PTGER3: variants seen among roughly 807,000 people sequenced by gnomAD.
PTGER3 encodes the protein prostaglandin E receptor 3, also known as prostaglandin E2 receptor EP3 subtype.
A neutral mutation model predicts 34.7 loss-of-function variants in PTGER3; 22 were observed. The ratio of observed to expected loss-of-function variants is 0.63; its 90% CI spans 0.45 to 0.91. PTGER3 has a LOEUF of 0.91. PTGER3 is among the 40% of genes least tolerant of loss of function. The probability of loss-of-function intolerance (pLI) is 0.00; values close to 1 mark genes in which losing one functional copy is unlikely to be tolerated. For missense variants in PTGER3, 468 were observed against 519.4 expected, an observed-to-expected ratio of 0.90 and a Z score of 0.96; for synonymous variants, 241 against 230.1, an observed-to-expected ratio of 1.05 and a Z score of -0.43.
At chr1:70,914,623 AG>A (rs1457784726) in intron 4 of PTGER3, among the ~76,000 whole-genome samples, 1 of 151,966 alleles carries the variant, frequency 6.6e-6, no homozygotes, top group Admixed American at 6.6e-5. Context: ...TATCTCTGAT[AG>A]GATTTGATGG....
chr1:70,877,788 A>C (rs936767208), intron 4 of PTGER3, among the ~76,000 whole-genome samples: 1 of 152,186 alleles, frequency 6.6e-6, no homozygotes, highest in Admixed American at 6.5e-5. Context: ...CTTGCATCCC[A>C]GGGATAAAGC....
At chr1:71,031,749 A>C (rs1377457109) in intron 1 of PTGER3, among the ~76,000 whole-genome samples, 3 of 152,176 alleles carry the variant, frequency 2.0e-5, no homozygotes, top group African/African-American at 7.2e-5. Context: ...TGAGCTCCTG[A>C]AATCCTTCTA....
chr1:70,932,321 C>T (rs584532), intron 4 of PTGER3, among the ~76,000 whole-genome samples: 138,553 of 152,166 alleles, frequency 0.91, 63,152 homozygotes, highest in African/African-American at 0.95. Flanking sequence ...TTCTGAGCCC[C>T]CCAAACTGTT....
At chr1:71,034,785 G>C (rs917829219) in intron 1 of PTGER3, among the ~76,000 whole-genome samples, 2 of 152,280 alleles carry the variant, frequency 1.3e-5, no homozygotes, top group Admixed American at 1.3e-4. Flanking sequence ...AGGAAACATG[G>C]ACAAATGAAT....
At chr1:71,015,197 G>T (rs555016020) in intron 1 of PTGER3, among the ~76,000 whole-genome samples, 1 of 152,192 alleles carries the variant, frequency 6.6e-6, no homozygotes, top group Non-Finnish European at 1.5e-5. Context: ...GCCTCTGAAG[G>T]CCTACAATTG....
At chr1:70,873,608 T>C (rs1646210156) in intron 4 of PTGER3, among the ~76,000 whole-genome samples, 1 of 151,980 alleles carries the variant, frequency 6.6e-6, no homozygotes, top group Admixed American at 6.6e-5. Flanking sequence ...CAGGTGGTGT[T>C]TGGTTACATG....
At position 70,971,162 on chromosome 1, in the gene PTGER3, C is replaced by T. The variant is rs1653039024; in HGVS notation, c.*568G>A. 1.2e-5 allele frequency: 12 copies of T among 985,172 alleles called. No homozygotes were observed. The highest frequency in any genetic ancestry group is 1.7e-5 in the African/African-American group (1 of 57,172). The allele number at this position is 985,172 out of a possible 1,614,324, so 61.0% of individuals were successfully genotyped here. A position where few individuals can be genotyped will look rare whatever the true frequency, so the allele number is the denominator to read the frequency against. ...AGGAACTTTTAGTTCCATGCTAAGC[C>T]CACAGGGACACAACATCTCTAAAAC... On this transcript the variant is annotated 3_prime_UTR_variant, in exon 4 of 4. Transcript: ENST00000306666.
chr1:71,009,070 A>G (rs1657219240), intron 2 of PTGER3: 1 of 985,234 alleles, frequency 1.0e-6, no homozygotes, highest in Non-Finnish European at 1.2e-6. Flanking sequence ...GAAGGTTGAA[A>G]GCTGACCAAT....
Position 71,047,149 on chromosome 1 carries a change from G to T in PTGER3, c.429C>A (p.Ser143=). ...CCATGGCGCTGGCGATGAACAACGA[G>T]GAGAGCCCGAAAACAGTCATGGTCA... ...FGLTMTVFGL[S]SLFIASAMAV... is the part of the protein sequence containing the mutation. Residue 143 remains serine (S), a synonymous_variant, in exon 1 of 4, where the codon TCC becomes TCA. Transcript: ENST00000306666. The T allele has an allele frequency of 6.2e-7, 1 of 1,601,298 alleles. No homozygotes were observed. The highest frequency in any genetic ancestry group is 2.3e-5 in the East Asian group (1 of 44,212).
At chr1:71,042,974 T>C (rs990722232) in intron 1 of PTGER3, among the ~76,000 whole-genome samples, 1 of 152,236 alleles carries the variant, frequency 6.6e-6, no homozygotes, top group Non-Finnish European at 1.5e-5. Context: ...TGTTCATAGC[T>C]GGCTTTGTAT....
chr1:71,038,185 A>G (rs1203949188), intron 1 of PTGER3, among the ~76,000 whole-genome samples: 2 of 152,226 alleles, frequency 1.3e-5, no homozygotes, highest in Non-Finnish European at 2.9e-5. Context: ...CATATTCTCA[A>G]CCATAGAAAA....
chr1:70,890,439 A>G (rs987034933), intron 4 of PTGER3, among the ~76,000 whole-genome samples: 1 of 152,124 alleles, frequency 6.6e-6, no homozygotes, highest in Non-Finnish European at 1.5e-5. Flanking sequence ...GGAGGATGAT[A>G]GAAAAAAAAG....
intron 4 of PTGER3, among the ~76,000 whole-genome samples, chr1:70,907,410 C>T (rs1281135220): frequency 6.6e-6 from 1 of 152,202 alleles, no homozygotes; most frequent in Non-Finnish European, 1.5e-5. Context: ...AATGGACAAG[C>T]TCTACTATCA....
At position 71,026,749 on chromosome 1, in the gene PTGER3, T is replaced by G. The variant is rs980371582; in HGVS notation, c.898-14265A>C. ...CATGGCTTCAAAAATATGTTACTAT[T>G]ATAATGTTTCTAAGAATAAATTAGA... is the stretch of plus-strand genomic sequence containing the variant. On this transcript the variant is annotated intron_variant, in intron 1 of 3. Coordinates refer to ENST00000306666, the MANE Select transcript of PTGER3 (RefSeq NM_198719.2). Among the ~76,000 whole-genome samples, 6 of 152,210 alleles carry G rather than the reference T, an allele frequency of 3.9e-5. No homozygotes were observed. The East Asian group carries it at 1.2e-3, about 29-fold the overall frequency.
At chr1:70,863,312 A>G (rs1377133338) in intron 4 of PTGER3, among the ~76,000 whole-genome samples, 1 of 152,158 alleles carries the variant, frequency 6.6e-6, no homozygotes, top group East Asian at 1.9e-4. Context: ...CCTACAAATC[A>G]AGATGTATTA....
intron 4 of PTGER3, among the ~76,000 whole-genome samples, chr1:70,947,194 T>C (rs1650299473): frequency 6.6e-6 from 1 of 152,114 alleles, no homozygotes; most frequent in African/African-American, 2.4e-5. Flanking sequence ...TAAGCTAAAG[T>C]AGGTGATACA....
At chr1:71,001,006 T>C (rs772842872) in intron 2 of PTGER3, among the ~76,000 whole-genome samples, 5 of 152,138 alleles carry the variant, frequency 3.3e-5, no homozygotes, top group Non-Finnish European at 7.4e-5. Context: ...CAATATATTA[T>C]TTAAAATTAT....
intron 2 of PTGER3, among the ~76,000 whole-genome samples, chr1:70,974,829 T>C (rs920660528): frequency 2.1e-4 from 32 of 152,210 alleles, no homozygotes; most frequent in African/African-American, 7.7e-4. Flanking sequence ...TCAAACTTTT[T>C]GCCTTTTTGA....
intron 2 of PTGER3, among the ~76,000 whole-genome samples, chr1:70,991,388 T>C (rs1486649530): frequency 6.6e-6 from 1 of 152,174 alleles, no homozygotes; most frequent in East Asian, 1.9e-4. Flanking sequence ...AGTCTTCCCT[T>C]ATGAGCCTGC....
Sources: gnomAD v4.1 joint callset for allele counts (sites outside exome capture counted in the v4.1 genomes callset) on GRCh38, gnomAD v4.1.1 for gene constraint, MANE v1.5 for transcripts, NCBI Gene and HGNC (gene_info 2026-07-23, HGNC 2026-07-21) for gene names.